The following BABAM2 variants were observed in gnomAD, a reference collection of about 807,000 sequenced individuals.
BABAM2 encodes the protein BRISC and BRCA1 A complex member 2.
In BABAM2, 31 loss-of-function variants were observed where a neutral mutation model predicts 54.7. The ratio of observed to expected loss-of-function variants is 0.57; its 90% CI spans 0.43 to 0.77. BABAM2 has a LOEUF of 0.77. BABAM2 is among the 30% of genes least tolerant of loss of function. The pLI is 0.00. For missense variants in BABAM2, 364 were observed against 455.8 expected, an observed-to-expected ratio of 0.80 and a Z score of 1.83; for synonymous variants, 167 against 162.9, an observed-to-expected ratio of 1.03 and a Z score of -0.19.
rs554236547 is a variant in BABAM2 at position 28,207,391 on chromosome 2, G to A, written c.681-29811G>A. ...GATGATGCTTCTGGGAAAAACAGCA[G>A]CAGCAACAACAACAACAACATTAGC... is the stretch of plus-strand genomic sequence containing the variant. On this transcript the variant is annotated intron_variant, in intron 7 of 11. Coordinates refer to ENST00000379624, the MANE Select transcript of BABAM2 (RefSeq NM_199191.3). Among the ~76,000 whole-genome samples, 406 of 151,284 alleles carry A rather than the reference G, an allele frequency of 2.7e-3. 1 individual carries two copies. Among genetic ancestry groups the A allele is most frequent in the African/African-American group, 9.3e-3 (384 of 41,284 alleles).
chr2:28,038,283 A>G (rs1179141514), intron 5 of BABAM2, among the ~76,000 whole-genome samples: 2 of 152,154 alleles, frequency 1.3e-5, no homozygotes, highest in Non-Finnish European at 2.9e-5. Flanking sequence ...CCCTCCAAGT[A>G]ATGAGCCCCC....
rs1471384450 is a variant in BABAM2, at chr2:27,973,169, A to T, written c.206-14824A>T. On this transcript the variant is annotated intron_variant, in intron 3 of 11. Transcript: ENST00000379624. The stretch of plus-strand genomic sequence containing the variant: ...TTTAAAACCATAGTACCTAAAGAAT[A>T]CATATAGGAACTGCTTGAGGACTCT... Among the ~76,000 whole-genome samples the T allele has an allele frequency of 2.6e-5, 4 of 152,166 alleles. No individual in the cohort carries two copies. In the East Asian group the frequency reaches 5.8e-4, roughly 22 times the overall value.
At chr2:28,288,724 A>C (rs1461878388) in intron 10 of BABAM2, among the ~76,000 whole-genome samples, 1 of 152,186 alleles carries the variant, frequency 6.6e-6, no homozygotes, top group Admixed American at 6.5e-5. Flanking sequence ...TCCTGTCTCC[A>C]ATTCTGATTC....
intron 7 of BABAM2, among the ~76,000 whole-genome samples, chr2:28,174,468 A>G (rs1674698046): frequency 6.6e-6 from 1 of 152,250 alleles, no homozygotes; most frequent in Non-Finnish European, 1.5e-5. Flanking sequence ...TAGAGAATCT[A>G]GGAGAGAACA....
chr2:28,074,223 T>A (rs1020430519), intron 6 of BABAM2, among the ~76,000 whole-genome samples: 2 of 152,188 alleles, frequency 1.3e-5, no homozygotes, highest in Non-Finnish European at 2.9e-5. Context: ...ATAGCTATTC[T>A]CTTACCCAGT....
Position 27,962,900 on chromosome 2 carries a change from C to T in BABAM2, c.206-25093C>T, listed in dbSNP as rs951461983. ...CTATCATTAAAAAGAATATTATCCA[C>T]GAGACAACATTACAGTGCTCATTCA... On this transcript the variant is annotated intron_variant, in intron 3 of 11. Transcript: ENST00000379624. Among the ~76,000 whole-genome samples the T allele has an allele frequency of 3.3e-5, 5 of 152,146 alleles. No individual in the cohort carries two copies. The East Asian group carries it at 5.8e-4, about 18-fold the overall frequency.
chr2:28,089,670 T>G (rs754456059), intron 6 of BABAM2, among the ~76,000 whole-genome samples: 52 of 152,246 alleles, frequency 3.4e-4, no homozygotes, highest in Admixed American at 7.9e-4. Flanking sequence ...ACCAGTGTTG[T>G]TAGCTCAGCT....
At chr2:27,932,965 G>A (rs1668207536) in intron 3 of BABAM2, among the ~76,000 whole-genome samples, 1 of 152,142 alleles carries the variant, frequency 6.6e-6, no homozygotes, top group South Asian at 2.1e-4. Context: ...TGTTGTTTGG[G>A]ATTTTATCTT....
chr2:27,958,587 G>T (rs1244010829), intron 3 of BABAM2, among the ~76,000 whole-genome samples: 2 of 149,244 alleles, frequency 1.3e-5, no homozygotes, highest in Admixed American at 6.7e-5. Context: ...TGTATATTTA[G>T]TTTTTTTTTA....
intron 10 of BABAM2, among the ~76,000 whole-genome samples, chr2:28,283,015 A>AAAGG (rs1553357870): frequency 0.11 from 8,267 of 76,190 alleles, 233 homozygotes; most frequent in African/African-American, 0.19. Flanking sequence ...AAAAAAAAAA[A>AAAGG]AAAGGAATGA....
rs1690417363 is a variant in BABAM2 at position 28,325,989 on chromosome 2, T to C, written c.1089-12461T>C. Among the ~76,000 whole-genome samples the C allele has an allele frequency of 6.6e-6, 1 of 152,234 alleles. No individual in the cohort carries two copies. On this transcript the variant is annotated intron_variant, in intron 11 of 11. Coordinates refer to ENST00000379624, the MANE Select transcript of BABAM2 (RefSeq NM_199191.3). This position sits in a 1 kb window ranked among gnomAD's most constrained non-coding sequence, Gnocchi z 4.3. ...GCCCTCCTTTGGGAGTCCTGCACTT[T>C]GCTGTGGAGGCTGATGCCTGACCAT...
chr2:28,090,183 A>T (rs1666039184), intron 6 of BABAM2, among the ~76,000 whole-genome samples: 1 of 152,206 alleles, frequency 6.6e-6, no homozygotes, highest in South Asian at 2.1e-4. Context: ...TAGCCAAATG[A>T]CAGAGTGCTT....
At chr2:28,211,790 CAT>C (rs1427940736) in intron 7 of BABAM2, among the ~76,000 whole-genome samples, 1 of 152,044 alleles carries the variant, frequency 6.6e-6, no homozygotes. Context: ...AAAAGATTCC[CAT>C]ATGTCTTAAA....
At chr2:28,162,047 C>A (rs1408088377) in intron 7 of BABAM2, among the ~76,000 whole-genome samples, 2 of 152,136 alleles carry the variant, frequency 1.3e-5, no homozygotes, top group Non-Finnish European at 2.9e-5. Flanking sequence ...TTCAAACTAA[C>A]TACTAATTCC....
intron 2 of BABAM2, among the ~76,000 whole-genome samples, chr2:27,900,359 G>A (rs899799297): frequency 6.6e-6 from 1 of 151,298 alleles, no homozygotes; most frequent in South Asian, 2.1e-4. Flanking sequence ...CCTAATCGAA[G>A]CAAGATTTCT....
At chr2:27,974,823 G>T (rs1671475507) in intron 3 of BABAM2, among the ~76,000 whole-genome samples, 1 of 152,180 alleles carries the variant, frequency 6.6e-6, no homozygotes, top group Non-Finnish European at 1.5e-5. Flanking sequence ...TGCGTATAAT[G>T]ATTGTCTATG....
chr2:27,930,906 C>G (rs1345080437), intron 3 of BABAM2, among the ~76,000 whole-genome samples: 2 of 152,136 alleles, frequency 1.3e-5, no homozygotes. Context: ...AAGGTTTTTC[C>G]TATTCCTAAA....
At chr2:28,193,521 T>C (rs758530539) in intron 7 of BABAM2, among the ~76,000 whole-genome samples, 1 of 152,290 alleles carries the variant, frequency 6.6e-6, no homozygotes, top group South Asian at 2.1e-4. Context: ...TGCCTCAGAA[T>C]TGATACAAGA....
At position 28,112,143 on chromosome 2, in the gene BABAM2, TTCTTTACCTCCCTCCCTCCCTCCCTCCC is replaced by T. The variant is rs1558346660; in HGVS notation, c.571-17125_571-17098del. Among the ~76,000 whole-genome samples, 14 of 12,550 alleles carry T rather than the reference TTCTTTACCTCCCTCCCTCCCTCCCTCCC, an allele frequency of 1.1e-3. 1 individual carries two copies. The highest frequency in any genetic ancestry group is 5.5e-3 in the South Asian group (1 of 182). 8.2% of individuals were successfully genotyped at this position (12,550 alleles called of 152,430 possible). On this transcript the variant is annotated intron_variant, in intron 6 of 11. Coordinates refer to ENST00000379624, the MANE Select transcript of BABAM2 (RefSeq NM_199191.3). ...TTTCTTTCTTTCTTTCTTTCTTTCT[TTCTTTACCTCCCTCCCTCCCTCCCTCCC>T]TCCCTCCCTCCCTCCCTCCCTCCCT...
Sources: gnomAD v4.1 joint callset for allele counts (sites outside exome capture counted in the v4.1 genomes callset) on GRCh38, gnomAD v4.1.1 for gene constraint, Gnocchi (gnomAD v3.1) non-coding constraint, MANE v1.5 for transcripts, NCBI Gene and HGNC (gene_info 2026-07-23, HGNC 2026-07-21) for gene names.